The following NUDT9 variants were observed in gnomAD, a reference collection of about 807,000 sequenced individuals.
The protein encoded by NUDT9 is ADP-ribose pyrophosphatase.
In NUDT9, 31 loss-of-function variants were observed where a neutral mutation model predicts 41.0. That is an observed-to-expected ratio of 0.76 (90% CI 0.57 to 1.02). The LOEUF (loss-of-function observed/expected upper bound fraction) is 1.02, where lower values mean the gene tolerates loss of function less well. Ranked by LOEUF, NUDT9 falls within the 50% of genes least tolerant of loss-of-function variation. The pLI is 0.00. For missense variants in NUDT9, 380 were observed against 431.4 expected, an observed-to-expected ratio of 0.88 and a Z score of 1.06; for synonymous variants, 146 against 147.6, an observed-to-expected ratio of 0.99 and a Z score of 0.08.
In NUDT9 at chr4:87,422,884, C is replaced by T. The variant is rs747135127; in HGVS notation, c.-22C>T. 4 of 1,600,630 alleles carry T rather than the reference C, an allele frequency of 2.5e-6. No homozygotes were observed. Among genetic ancestry groups the T allele is most frequent in the African/African-American group, 1.3e-5 (1 of 74,604 alleles). On this transcript the variant is annotated 5_prime_UTR_variant, in exon 1 of 8. Transcript: ENST00000302174. ...ACCAACTAAGAGCGACCTAGCATCG[C>T]AAAGCCGCCCTCGGGGCGCTCATGG... is the stretch of plus-strand genomic sequence containing the variant.
At chr4:87,456,272 CTT>C (rs947656646) in intron 7 of NUDT9, among the ~76,000 whole-genome samples, 1 of 152,134 alleles carries the variant, frequency 6.6e-6, no homozygotes, top group Non-Finnish European at 1.5e-5. Flanking sequence ...AGATGTCAGT[CTT>C]TTAGTGAGCC....
At chr4:87,443,879 G>A (rs1446938143) in intron 4 of NUDT9, among the ~76,000 whole-genome samples, 1 of 152,218 alleles carries the variant, frequency 6.6e-6, no homozygotes, top group African/African-American at 2.4e-5. Context: ...AAAGTTAGGA[G>A]TATGGACTGG....
intron 4 of NUDT9, among the ~76,000 whole-genome samples, chr4:87,446,809 T>C (rs1368943635): frequency 1.3e-5 from 2 of 152,196 alleles, no homozygotes; most frequent in African/African-American, 4.8e-5. Flanking sequence ...GTTTTATATA[T>C]ATATAATAAA....
At chr4:87,439,828 C>A (rs1364722867) in intron 3 of NUDT9, among the ~76,000 whole-genome samples, 2 of 152,152 alleles carry the variant, frequency 1.3e-5, no homozygotes, top group Non-Finnish European at 2.9e-5. Flanking sequence ...AGAGCCAAAT[C>A]ATATTAAAAA....
chr4:87,451,888 T>C (rs902788174), intron 6 of NUDT9, among the ~76,000 whole-genome samples, 153 bp downstream of exon 6: 3 of 152,234 alleles, frequency 2.0e-5, no homozygotes, highest in Non-Finnish European at 4.4e-5. Flanking sequence ...AGATCTTCAC[T>C]GTAAATAGGT....
intron 1 of NUDT9, among the ~76,000 whole-genome samples, chr4:87,430,103 G>A (rs1051997583): frequency 6.6e-5 from 10 of 152,180 alleles, no homozygotes; most frequent in Non-Finnish European, 1.3e-4. Flanking sequence ...TGGCCTGGCC[G>A]TGATCAAAGA....
At position 87,437,563 on chromosome 4, in the gene NUDT9, T is replaced by C. The variant is rs186795417; in HGVS notation, c.348-714T>C. On this transcript the variant is annotated intron_variant, in intron 2 of 7. Transcript: ENST00000302174. ...TCCACCATGTTAGCCAGGATGGTCT[T>C]GATCTCCTGACCTTGTGATCTGCCC... 6.4e-3 allele frequency among the ~76,000 whole-genome samples: 945 copies of C among 148,020 alleles called. 48 individuals are homozygous for C. The highest frequency in any genetic ancestry group is 0.019 in the African/African-American group (703 of 37,692).
In NUDT9 at chr4:87,449,245, A is replaced by C. The variant is rs1403484652; in HGVS notation, c.634A>C (p.Ile212Leu). Reference sequence around the variant, plus strand: ...AAGGAAAGACTGTGGAGAATGGGCAATCCCAGGGGTAAGCATTAAAATTAA... The same window carrying C: ...AAGGAAAGACTGTGGAGAATGGGCACTCCCAGGGGTAAGCATTAAAATTAA... ...IKRKDCGEWAIPGGMVDPGEK... is the reference protein window; with the variant it reads ...IKRKDCGEWALPGGMVDPGEK... Residue 212 changes from isoleucine (I) to leucine (L), a missense_variant, in exon 5 of 8, where the codon ATC (isoleucine) becomes CTC (leucine). Coordinates refer to ENST00000302174, the MANE Select transcript of NUDT9 (RefSeq NM_024047.5). The C allele has an allele frequency of 6.5e-7, 1 of 1,542,028 alleles. No individual in the cohort carries two copies. Among genetic ancestry groups the C allele is most frequent in the Admixed American group, 1.7e-5 (1 of 59,868 alleles).
Position 87,441,811 on chromosome 4 carries a change from C to T in NUDT9, c.444-18C>T. On this transcript the variant is annotated intron_variant, in intron 3 of 7. Coordinates refer to ENST00000302174, the MANE Select transcript of NUDT9 (RefSeq NM_024047.5). ...ATGAACACATTCAATTGATTTTATG[C>T]TTTTTTTGTTTTTCCAGAAATCCTG... 1 of 1,602,490 alleles carries T rather than the reference C, an allele frequency of 6.2e-7. No individual in the cohort carries two copies. The highest frequency in any genetic ancestry group is 8.5e-7 in the Non-Finnish European group (1 of 1,171,698).
chr4:87,451,455 A>G (rs946633817), intron 5 of NUDT9, 134 bp from the exon 6 acceptor site: 6 of 627,014 alleles, frequency 9.6e-6, no homozygotes, highest in Non-Finnish European at 1.6e-5. Context: ...TTTAGAGAAC[A>G]GTGTATCACA....
chr4:87,425,393 T>G (rs1008157591), intron 1 of NUDT9, among the ~76,000 whole-genome samples: 2 of 62,272 alleles, frequency 3.2e-5, no homozygotes, highest in Admixed American at 3.7e-4. Context: ...TTCTTTTCCT[T>G]TTTTTTTTTT....
In NUDT9 at chr4:87,438,295, C is replaced by G. The variant is rs1389740718; in HGVS notation, c.366C>G (p.Pro122=). ...ATTACAGTGAAAGTAATTTTTCTCC[C>G]AAGTTTAACGAAAAGGATGGGCATG... ...DPQISESNFS[P]KFNEKDGHVE... is the part of the protein sequence containing the mutation. The change falls in exon 3 of 8, where the codon CCC becomes CCG. Residue 122 remains proline (P), a synonymous_variant. Coordinates refer to ENST00000302174, the MANE Select transcript of NUDT9 (RefSeq NM_024047.5). 2 of 1,605,960 alleles carry G rather than the reference C, an allele frequency of 1.2e-6. No individual in the cohort carries two copies. The highest frequency in any genetic ancestry group is 8.5e-7 in the Non-Finnish European group (1 of 1,173,544).
intron 3 of NUDT9, among the ~76,000 whole-genome samples, chr4:87,439,089 C>T (rs1442880779): frequency 6.6e-6 from 1 of 151,248 alleles, no homozygotes; most frequent in Non-Finnish European, 1.5e-5. Context: ...ATTGCTTGAA[C>T]CGGGAGGCGG....
chr4:87,442,205 G>A (rs904920154), intron 4 of NUDT9, among the ~76,000 whole-genome samples: 1 of 152,184 alleles, frequency 6.6e-6, no homozygotes, highest in Non-Finnish European at 1.5e-5. Context: ...ATATGCTATA[G>A]CCTATTGCTC....
intron 1 of NUDT9, among the ~76,000 whole-genome samples, chr4:87,425,712 G>GAAAA (rs70957242): frequency 0.04 from 3,736 of 94,566 alleles, 90 homozygotes; most frequent in Non-Finnish European, 0.057. Flanking sequence ...CTGTCTCTTT[G>GAAAA]AAAAAAAAAA....
At chr4:87,431,360 CTTGTTTCTCCCTTTCAAGA>C (rs1479142899) in intron 1 of NUDT9, among the ~76,000 whole-genome samples, 1 of 152,284 alleles carries the variant, frequency 6.6e-6, no homozygotes, top group Non-Finnish European at 1.5e-5. Context: ...AGACCTTGAA[CTTGTTTCTCCCTTTCAAGA>C]TTGTCTTGGC....
At chr4:87,451,451 G>A (rs1181944164) in intron 5 of NUDT9, 138 bp from the exon 6 acceptor site, 1 of 622,212 alleles carries the variant, frequency 1.6e-6, no homozygotes, top group African/African-American at 1.8e-5. Flanking sequence ...ATGGTTTAGA[G>A]AACAGTGTAT....
At position 87,458,363 on chromosome 4, in the gene NUDT9, G is replaced by A. The variant is rs1390748610; in HGVS notation, c.*342G>A. 1.2e-5 allele frequency: 2 copies of A among 166,380 alleles called. No individual in the cohort carries two copies. The highest frequency in any genetic ancestry group is 4.8e-5 in the African/African-American group (2 of 42,072). 10.3% of individuals were successfully genotyped at this position (166,380 alleles called of 1,614,324 possible). A position where few individuals can be genotyped will look rare whatever the true frequency, so the allele number is the denominator to read the frequency against. On this transcript the variant is annotated 3_prime_UTR_variant, in exon 8 of 8. Transcript: ENST00000302174. Reference sequence around the variant, plus strand: ...TCAGCTATAACTTCTGTTTCATCTAGTTCTTGTTTGTCAATGCCTTCCCTC... The same window carrying A: ...TCAGCTATAACTTCTGTTTCATCTAATTCTTGTTTGTCAATGCCTTCCCTC...
At chr4:87,428,863 C>T (rs1721549993) in intron 1 of NUDT9, among the ~76,000 whole-genome samples, 1 of 152,152 alleles carries the variant, frequency 6.6e-6, no homozygotes, top group African/African-American at 2.4e-5. Context: ...GCCACGGAGC[C>T]ATACGTTTGT....
Sources: gnomAD v4.1 joint callset for allele counts (sites outside exome capture counted in the v4.1 genomes callset) on GRCh38, gnomAD v4.1.1 for gene constraint, MANE v1.5 for transcripts, NCBI Gene and HGNC (gene_info 2026-07-23, HGNC 2026-07-21) for gene names.